AKAP19: variants seen among roughly 807,000 people sequenced by gnomAD.
The protein encoded by AKAP19 is A-kinase anchoring protein 19.
chr2:189,890,095 G>C, the AKAP19 span, among the ~76,000 whole-genome samples: 3 of 152,208 alleles, frequency 2.0e-5, no homozygotes, highest in South Asian at 4.2e-4. Context: ...CACTGCTTTA[G>C]TTGTGTCCCA....
chr2:189,971,306 C>T, the AKAP19 span, among the ~76,000 whole-genome samples: 1 of 152,192 alleles, frequency 6.6e-6, no homozygotes, highest in East Asian at 1.9e-4. Flanking sequence ...CTACAAAGTA[C>T]ATGAACTCAT....
At chr2:190,001,090 A>G in the AKAP19 span, among the ~76,000 whole-genome samples, 9 of 152,272 alleles carry the variant, frequency 5.9e-5, no homozygotes, top group East Asian at 1.5e-3. Context: ...ACCATCTTGA[A>G]TATGTTGGTG....
the AKAP19 span, among the ~76,000 whole-genome samples, chr2:190,115,154 A>T: frequency 3.1e-5 from 4 of 130,342 alleles, no homozygotes; most frequent in Non-Finnish European, 6.5e-5. Flanking sequence ...TGTGTGTGTG[A>T]GTGTGTGTGT....
the AKAP19 span, among the ~76,000 whole-genome samples, chr2:189,902,801 G>A: frequency 1.3e-5 from 2 of 151,106 alleles, no homozygotes; most frequent in Admixed American, 6.6e-5. Context: ...CTTGAATTTA[G>A]CCAATAGGAA....
chr2:189,982,452 G>A, the AKAP19 span, among the ~76,000 whole-genome samples: 3 of 152,080 alleles, frequency 2.0e-5, no homozygotes, highest in Non-Finnish European at 4.4e-5. Flanking sequence ...ATCCTGTTGA[G>A]TTTCTTTGCA....
At chr2:190,183,746 C>T in the AKAP19 span, among the ~76,000 whole-genome samples, 1 of 151,976 alleles carries the variant, frequency 6.6e-6, no homozygotes, top group South Asian at 2.1e-4. Flanking sequence ...CTGACATCTG[C>T]AGGTTCTTTT....
the AKAP19 span, among the ~76,000 whole-genome samples, chr2:190,014,945 G>A: frequency 2.0e-5 from 3 of 152,196 alleles, no homozygotes; most frequent in African/African-American, 7.2e-5. Context: ...TGATGCAATG[G>A]GTGGGCTCCC....
the AKAP19 span, among the ~76,000 whole-genome samples, chr2:189,956,787 G>A: frequency 2.0e-4 from 31 of 151,844 alleles, no homozygotes; most frequent in Non-Finnish European, 3.7e-4. Context: ...CTCACTATGT[G>A]GTCCAGGCTG....
chr2:189,901,589 C>T, the AKAP19 span, among the ~76,000 whole-genome samples: 92 of 152,270 alleles, frequency 6.0e-4, no homozygotes, highest in Middle Eastern at 6.8e-3. Context: ...CTGCCCATCT[C>T]TGCCTCCCAA....
At chr2:190,123,861 C>T in the AKAP19 span, among the ~76,000 whole-genome samples, 4 of 152,162 alleles carry the variant, frequency 2.6e-5, no homozygotes, top group African/African-American at 9.7e-5. Flanking sequence ...ATGTGAGTGG[C>T]CACCATCCAA....
At chr2:190,037,599 G>T in the AKAP19 span, among the ~76,000 whole-genome samples, 3 of 152,200 alleles carry the variant, frequency 2.0e-5, no homozygotes, top group Admixed American at 6.5e-5. Context: ...GGTAAGAACA[G>T]TTTAAAAGGA....
chr2:190,036,926 A>G, the AKAP19 span, among the ~76,000 whole-genome samples: 2 of 152,354 alleles, frequency 1.3e-5, no homozygotes, highest in South Asian at 4.1e-4. Context: ...ACTCTATGCT[A>G]CTAACCAAAT....
chr2:189,908,929 A>T, the AKAP19 span, among the ~76,000 whole-genome samples: 2 of 152,052 alleles, frequency 1.3e-5, no homozygotes, highest in African/African-American at 4.8e-5. Context: ...TGTCTGGATG[A>T]CCTATCCATT....
the AKAP19 span, among the ~76,000 whole-genome samples, chr2:190,114,373 G>A: frequency 0.021 from 3,181 of 152,278 alleles, 129 homozygotes; most frequent in African/African-American, 0.072. Flanking sequence ...TTTCAAAAGG[G>A]ATGTATAATA....
At chr2:190,125,079 C>A in the AKAP19 span, among the ~76,000 whole-genome samples, 3 of 152,028 alleles carry the variant, frequency 2.0e-5, no homozygotes, top group Middle Eastern at 3.2e-3. Flanking sequence ...TCCTGAAGGA[C>A]CTTCTGGAGG....
At chr2:189,938,453 T>C in the AKAP19 span, among the ~76,000 whole-genome samples, 1 of 152,096 alleles carries the variant, frequency 6.6e-6, no homozygotes, top group Admixed American at 6.6e-5. Flanking sequence ...GAGGTCATTA[T>C]GGTAAGTGAA....
At chr2:190,137,576 A>G in the AKAP19 span, among the ~76,000 whole-genome samples, 1 of 152,240 alleles carries the variant, frequency 6.6e-6, no homozygotes, top group South Asian at 2.1e-4. Flanking sequence ...AGCATGGTTT[A>G]CTGTCCCTGA....
chr2:190,197,850 T>C, the AKAP19 span, among the ~76,000 whole-genome samples: 2 of 152,226 alleles, frequency 1.3e-5, no homozygotes, highest in Non-Finnish European at 2.9e-5. This position sits in a 1 kb window ranked among gnomAD's most constrained non-coding sequence, Gnocchi z 4.0. Flanking sequence ...AAACAGAATA[T>C]TCTGATGGTT....
chr2:190,114,568 G>A, the AKAP19 span, among the ~76,000 whole-genome samples: 1 of 152,114 alleles, frequency 6.6e-6, no homozygotes, highest in East Asian at 1.9e-4. Flanking sequence ...CCATTCTCCT[G>A]CCTCAGCCTT....
Sources: gnomAD v4.1 joint callset for allele counts (sites outside exome capture counted in the v4.1 genomes callset) on GRCh38, gnomAD v4.1.1 for gene constraint, Gnocchi (gnomAD v3.1) non-coding constraint, MANE v1.5 for transcripts, NCBI Gene and HGNC (gene_info 2026-07-23, HGNC 2026-07-21) for gene names.